Variants in L3MBTL1 observed in about 807,000 individuals in gnomAD.
L3MBTL1 encodes lethal(3)malignant brain tumor-like protein 1.
Under a neutral mutation model 105.3 loss-of-function variants are expected in L3MBTL1, and 75 were observed. The ratio of observed to expected loss-of-function variants is 0.71; its 90% CI spans 0.59 to 0.86. The LOEUF (loss-of-function observed/expected upper bound fraction) is 0.86. L3MBTL1 is among the 40% of genes least tolerant of loss of function. The pLI is 0.00. For synonymous variants in L3MBTL1, 452 were observed against 436.2 expected (o/e 1.04, Z -0.45); for missense variants, 1,069 against 1,126.4 (o/e 0.95, Z 0.73).
At chr20:43,517,720 C>T (rs2018475237) in intron 7 of L3MBTL1, among the ~76,000 whole-genome samples, 1 of 152,194 alleles carries the variant, frequency 6.6e-6, no homozygotes, top group African/African-American at 2.4e-5. Context: ...TTAGTTGCCT[C>T]AGTCACTGTC....
chr20:43,536,509 C>T (rs369367723), intron 19 of L3MBTL1, 51 bp downstream of exon 19: 233 of 1,583,888 alleles, frequency 1.5e-4, no homozygotes, highest in African/African-American at 5.8e-4. Context: ...GTGTTCACAG[C>T]GAGTGCTCTG....
rs1203596439 is a variant in L3MBTL1, at chr20:43,541,171, A to G, written c.*43A>G. On this transcript the variant is annotated 3_prime_UTR_variant, in exon 22 of 22. Transcript: ENST00000418998. The stretch of plus-strand genomic sequence containing the variant: ...TTTAATCCAATATAGTTGATAATTA[A>G]AGTGTATTTTGAATGACACAGATAT... 1.3e-6 allele frequency: 2 copies of G among 1,591,178 alleles called. No homozygotes were observed. The highest frequency in any genetic ancestry group is 2.7e-5 in the African/African-American group (2 of 74,448).
chr20:43,513,663 CT>C (rs1568917012), intron 2 of L3MBTL1, 24 bp downstream of exon 2: 5 of 1,550,376 alleles, frequency 3.2e-6, no homozygotes, highest in Non-Finnish European at 2.6e-6. Context: ...GGGTAGGAGT[CT>C]GGGAAGGAAG....
downstream of L3MBTL1, among the ~76,000 whole-genome samples, chr20:43,545,788 G>T (rs1353667257): frequency 6.6e-6 from 1 of 152,224 alleles, no homozygotes; most frequent in Admixed American, 6.5e-5. Context: ...GCCATCAGAA[G>T]TGCCAGTTTT....
At chr20:43,514,348 T>C (rs2018243063) in intron 3 of L3MBTL1, 2 of 1,216,360 alleles carry the variant, frequency 1.6e-6, no homozygotes, top group Non-Finnish European at 2.2e-6. Flanking sequence ...CTGTGTTAGT[T>C]TGGGGGCGTG....
intron 7 of L3MBTL1, among the ~76,000 whole-genome samples, chr20:43,522,438 C>G (rs148834382): frequency 2.9e-4 from 41 of 138,996 alleles, no homozygotes; most frequent in African/African-American, 1.1e-3. Context: ...GTAATGGTAA[C>G]TGAATTTTTC....
chr20:43,511,775 C>T (rs1161316347), intron 1 of L3MBTL1, among the ~76,000 whole-genome samples: 2 of 117,114 alleles, frequency 1.7e-5, no homozygotes, highest in Non-Finnish European at 1.7e-5. Context: ...AGCGAGACTC[C>T]ATCTCAAAAA....
In L3MBTL1 at chr20:43,540,117, C is replaced by T. The variant is rs750497434; in HGVS notation, c.2174-34C>T. 8 of 1,606,380 alleles carry T rather than the reference C, an allele frequency of 5.0e-6. No homozygotes were observed. In the East Asian group the frequency reaches 8.9e-5, roughly 18 times the overall value. On this transcript the variant is annotated intron_variant, in intron 19 of 21. Transcript: ENST00000418998. ...GCTTCGGGAACAGTTTAGTCATCCT[C>T]GTTGGCCTGCCAGCCTCTGCCTCTG...
At chr20:43,549,746 G>A (rs1024029764) in exon 19 of L3MBTL1, 3 of 152,374 alleles carry the variant, frequency 2.0e-5, no homozygotes, top group African/African-American at 4.8e-5. Context: ...GTGTGTGTGT[G>A]TGTGTGTGGC....
chr20:43,533,444 C>T (rs1395255734), intron 13 of L3MBTL1, 26 bp downstream of exon 13: 1 of 1,599,300 alleles, frequency 6.3e-7, no homozygotes, highest in Non-Finnish European at 8.5e-7. Context: ...GAGCAAGCCC[C>T]CTTTCCTAAG....
At chr20:43,507,823 G>A (rs1287034486) in intron 1 of L3MBTL1, 79 bp downstream of exon 1, 1 of 152,156 alleles carries the variant, frequency 6.6e-6, no homozygotes, top group African/African-American at 2.4e-5. Context: ...AGGGCGGCGA[G>A]GGCTCAGGTC....
At chr20:43,517,797 T>A (rs766625391) in intron 7 of L3MBTL1, among the ~76,000 whole-genome samples, 8 of 152,134 alleles carry the variant, frequency 5.3e-5, no homozygotes, top group Non-Finnish European at 1.2e-4. Context: ...CCTTGATGGA[T>A]CCAGTGCCAG....
chr20:43,547,396 G>A (rs902652023), intron 18 of L3MBTL1, among the ~76,000 whole-genome samples: 109 of 152,264 alleles, frequency 7.2e-4, no homozygotes, highest in African/African-American at 2.5e-3. Context: ...GAGCCACCGC[G>A]CCCGGCCAAT....
At chr20:43,544,910 G>A (rs1178520944), downstream of L3MBTL1, among the ~76,000 whole-genome samples, 1 of 152,152 alleles carries the variant, frequency 6.6e-6, no homozygotes, top group Non-Finnish European at 1.5e-5. Flanking sequence ...AGGTTGCAGC[G>A]AGCTGAGATC....
chr20:43,531,011 T>A, intron 11 of L3MBTL1, 122 bp downstream of exon 11: 1 of 778,764 alleles, frequency 1.3e-6, no homozygotes, highest in Non-Finnish European at 2.1e-6. Flanking sequence ...TTTGTTCTGA[T>A]CTCTCATATC....
intron 3 of L3MBTL1, 51 bp from the exon 4 acceptor site, chr20:43,514,584 G>A (rs1307430716): frequency 6.3e-7 from 1 of 1,599,156 alleles, no homozygotes; most frequent in African/African-American, 1.3e-5. Flanking sequence ...CTCCGAGATG[G>A]GTCAAGGACC....
intron 17 of L3MBTL1, 45 bp from the exon 18 acceptor site, chr20:43,536,052 C>G: frequency 1.2e-6 from 2 of 1,605,242 alleles, no homozygotes; most frequent in Non-Finnish European, 1.7e-6. Context: ...GAGGGCTCAG[C>G]GGGGACCAGT....
chr20:43,530,142 T>C (rs536584964), intron 9 of L3MBTL1, 142 bp from the exon 10 acceptor site: 10 of 956,022 alleles, frequency 1.0e-5, no homozygotes, highest in East Asian at 4.8e-5. Context: ...TGGGGTACAA[T>C]TGGGAGGAAA....
chr20:43,548,115 T>C, exon 19 of L3MBTL1: 3 of 1,303,670 alleles, frequency 2.3e-6, no homozygotes, highest in South Asian at 1.2e-5. Flanking sequence ...CCTCAGATGA[T>C]TGACGGCGAG....
Sources: gnomAD v4.1 joint callset for allele counts (sites outside exome capture counted in the v4.1 genomes callset) on GRCh38, gnomAD v4.1.1 for gene constraint, MANE v1.5 for transcripts, NCBI Gene and HGNC (gene_info 2026-07-23, HGNC 2026-07-21) for gene names.